Variants in CLYBL observed in about 807,000 individuals in gnomAD.
CLYBL encodes the protein citramalyl-CoA lyase, mitochondrial.
A neutral mutation model predicts 38.9 loss-of-function variants in CLYBL; 31 were observed. The ratio of observed to expected loss-of-function variants is 0.80; its 90% CI spans 0.60 to 1.08. The LOEUF (loss-of-function observed/expected upper bound fraction) is 1.08. CLYBL is among the 50% of genes least tolerant of loss of function. CLYBL has a pLI of 0.00. For synonymous variants in CLYBL, 171 were observed against 158.6 expected (o/e 1.08, Z -0.59); for missense variants, 434 against 411.6 (o/e 1.05, Z -0.47).
intron 2 of CLYBL, among the ~76,000 whole-genome samples, chr13:99,788,341 A>G (rs1206341249): frequency 6.6e-5 from 10 of 152,200 alleles, no homozygotes; most frequent in Admixed American, 6.5e-4. Context: ...TGGATTTGTC[A>G]TAAATAGCTC....
chr13:99,906,668 C>G (rs1380101730), intron 9 of CLYBL, among the ~76,000 whole-genome samples: 1 of 152,126 alleles, frequency 6.6e-6, no homozygotes, highest in African/African-American at 2.4e-5. Flanking sequence ...AGGTGATCCA[C>G]CCTCCTCAGC....
intron 1 of CLYBL, among the ~76,000 whole-genome samples, chr13:99,689,006 C>T (rs2047859642): frequency 6.6e-6 from 1 of 152,148 alleles, no homozygotes; most frequent in Non-Finnish European, 1.5e-5. Context: ...TCCAGGTCTG[C>T]CCACTCAGTT....
At chr13:99,877,125 C>A (rs1040648075) in intron 7 of CLYBL, among the ~76,000 whole-genome samples, 2 of 152,148 alleles carry the variant, frequency 1.3e-5, no homozygotes, top group Admixed American at 6.5e-5. Context: ...GCCTGGGGAG[C>A]CTTTGGCAGA....
downstream of CLYBL, among the ~76,000 whole-genome samples, chr13:99,900,399 G>A (rs937106188): frequency 4.6e-5 from 7 of 151,946 alleles, no homozygotes; most frequent in African/African-American, 1.7e-4. Flanking sequence ...CTCCACTGCT[G>A]GCCTATGGAA....
intron 2 of CLYBL, among the ~76,000 whole-genome samples, chr13:99,777,712 C>T (rs1371775193): frequency 6.6e-6 from 1 of 152,062 alleles, no homozygotes; most frequent in South Asian, 2.1e-4. Context: ...AGGCTGGTCT[C>T]GAACTCCTGA....
At chr13:99,737,060 T>G (rs2048679719) in intron 1 of CLYBL, among the ~76,000 whole-genome samples, 1 of 152,202 alleles carries the variant, frequency 6.6e-6, no homozygotes, top group Non-Finnish European at 1.5e-5. Flanking sequence ...TAGTGCTGAT[T>G]AAAAATTCAC....
intron 1 of CLYBL, among the ~76,000 whole-genome samples, chr13:99,722,622 A>G (rs1193884034): frequency 1.3e-5 from 2 of 152,216 alleles, no homozygotes; most frequent in Non-Finnish European, 2.9e-5. Context: ...AGATAGAAGC[A>G]GTATTCCAGT....
chr13:99,874,534 A>G (rs1015918961), intron 7 of CLYBL, among the ~76,000 whole-genome samples: 2 of 151,836 alleles, frequency 1.3e-5, no homozygotes, highest in African/African-American at 4.9e-5. Context: ...TAGGATTTCA[A>G]CAGTTCTTTT....
At chr13:99,667,314 T>C (rs930026453) in intron 1 of CLYBL, among the ~76,000 whole-genome samples, 4 of 152,114 alleles carry the variant, frequency 2.6e-5, no homozygotes, top group South Asian at 4.1e-4. Flanking sequence ...TCGTAACTTG[T>C]CATTTTCATC....
At chr13:99,662,664 G>T (rs1417388037) in intron 1 of CLYBL, among the ~76,000 whole-genome samples, 1 of 151,940 alleles carries the variant, frequency 6.6e-6, no homozygotes, top group African/African-American at 2.4e-5. Flanking sequence ...CCTGACAAAT[G>T]GATACCACTT....
intron 2 of CLYBL, among the ~76,000 whole-genome samples, chr13:99,776,444 C>T (rs113389495): frequency 1.3e-5 from 2 of 150,376 alleles, no homozygotes; most frequent in Non-Finnish European, 3.0e-5. Context: ...TGTAGTGAGC[C>T]GAGATTGCCC....
At chr13:99,866,752 G>T (rs946356809) in intron 6 of CLYBL, among the ~76,000 whole-genome samples, 2 of 151,826 alleles carry the variant, frequency 1.3e-5, no homozygotes, top group Non-Finnish European at 2.9e-5. Context: ...AAGAATTTTG[G>T]TTGATGGACA....
intron 1 of CLYBL, among the ~76,000 whole-genome samples, chr13:99,639,524 CAG>C (rs1473491434): frequency 5.3e-5 from 8 of 152,268 alleles, no homozygotes; most frequent in African/African-American, 1.9e-4. Flanking sequence ...TTATATGTAA[CAG>C]AAGACAAAAA....
At chr13:99,651,792 C>T (rs574500810) in intron 1 of CLYBL, among the ~76,000 whole-genome samples, 8 of 151,466 alleles carry the variant, frequency 5.3e-5, no homozygotes, top group Admixed American at 4.6e-4. Flanking sequence ...ATTAGCCAGG[C>T]CTGGTGGCAC....
chr13:99,860,675 T>G (rs2051578817), intron 3 of CLYBL, among the ~76,000 whole-genome samples: 1 of 152,264 alleles, frequency 6.6e-6, no homozygotes, highest in African/African-American at 2.4e-5. Context: ...TTCTGTTCAC[T>G]GTTTTAAATC....
At chr13:99,647,438 G>A (rs1245557263) in intron 1 of CLYBL, among the ~76,000 whole-genome samples, 2 of 116,678 alleles carry the variant, frequency 1.7e-5, no homozygotes, top group East Asian at 2.3e-4. Context: ...CCCCGGCCCC[G>A]CCCCCCATCA....
At chr13:99,753,368 G>A (rs1303294235) in intron 1 of CLYBL, among the ~76,000 whole-genome samples, 1 of 152,144 alleles carries the variant, frequency 6.6e-6, no homozygotes, top group Non-Finnish European at 1.5e-5. Flanking sequence ...GAAGGGACTG[G>A]AGAGGGACAG....
chr13:99,851,099 G>A (rs1310984940), intron 2 of CLYBL, among the ~76,000 whole-genome samples: 1 of 152,126 alleles, frequency 6.6e-6, no homozygotes, highest in Non-Finnish European at 1.5e-5. Flanking sequence ...TAGGCCAGGT[G>A]TGGTGGCTCA....
chr13:99,633,210 CAAAAAAAAAAAAAAAAA>C (rs59801603), intron 1 of CLYBL, among the ~76,000 whole-genome samples: 1 of 62,720 alleles, frequency 1.6e-5, no homozygotes, highest in Non-Finnish European at 2.9e-5. Flanking sequence ...GATCCTGTCT[CAAAAAAAAAAAAAAAAA>C]AAAAAAAAGA....
Sources: gnomAD v4.1 joint callset for allele counts (sites outside exome capture counted in the v4.1 genomes callset) on GRCh38, gnomAD v4.1.1 for gene constraint, MANE v1.5 for transcripts, NCBI Gene and HGNC (gene_info 2026-07-23, HGNC 2026-07-21) for gene names.